The following PICK1 variants were observed in gnomAD, a reference collection of about 807,000 sequenced individuals.
The protein encoded by PICK1 is protein interacting with PRKCA 1.
In PICK1, 23 loss-of-function variants were observed where a neutral mutation model predicts 48.9. The observed-to-expected ratio is 0.47, with a 90% CI of 0.34 to 0.67. PICK1 has a LOEUF of 0.67. PICK1 is among the 30% of genes least tolerant of loss of function. The probability of loss-of-function intolerance (pLI) is 0.01; values close to 1 mark genes in which losing one functional copy is unlikely to be tolerated. For synonymous variants in PICK1, 217 were observed against 228.2 expected (o/e 0.95, Z 0.44); for missense variants, 423 against 557.1 (o/e 0.76, Z 2.42).
intron 2 of PICK1, among the ~76,000 whole-genome samples, chr22:38,058,525 A>G (rs1015114944): frequency 6.6e-6 from 1 of 152,178 alleles, no homozygotes; most frequent in East Asian, 1.9e-4. Context: ...TGACAAGGAC[A>G]GAACCTGGCT....
In PICK1 at chr22:38,074,849, G is replaced by A. The variant is rs112127614; in HGVS notation, c.980-15G>A. ...CAGAGCCCACTGCAGCCTGTCCCCC[G>A]ACCTCCCACCCCAGTCCAGGACATC... On this transcript the variant is annotated splice_polypyrimidine_tract_variant and intron_variant, in intron 12 of 12. Coordinates refer to ENST00000356976, the MANE Select transcript of PICK1 (RefSeq NM_012407.4). This position sits in a 1 kb window ranked among gnomAD's most constrained non-coding sequence, Gnocchi z 4.5. 5.3e-4 allele frequency: 845 copies of A among 1,609,152 alleles called. 4 individuals are homozygous for A. The highest frequency in any genetic ancestry group is 1.6e-4 in the Middle Eastern group (1 of 6,078).
intron 4 of PICK1, 150 bp downstream of exon 4, chr22:38,065,280 C>T: frequency 1.4e-6 from 1 of 736,194 alleles, no homozygotes; most frequent in Non-Finnish European, 2.4e-6. Context: ...CACACTCCAG[C>T]CTCCCTCATC....
chr22:38,072,436 G>A (rs765246165), intron 8 of PICK1, 41 bp from the exon 9 acceptor site: 192 of 1,603,738 alleles, frequency 1.2e-4, no homozygotes, highest in Non-Finnish European at 1.6e-4. Context: ...TCTCTTAGGG[G>A]GCCAAGTAGG....
chr22:38,069,375 G>T (rs922942948), intron 6 of PICK1, among the ~76,000 whole-genome samples: 2 of 152,122 alleles, frequency 1.3e-5, no homozygotes, highest in African/African-American at 4.8e-5. Flanking sequence ...ACTTAGTGTG[G>T]GGAGGTGCCT....
Position 38,074,979 on chromosome 22 carries a change from G to A in PICK1, c.1095G>A (p.Ala365=), listed in dbSNP as rs746548274. 6 of 1,613,596 alleles carry A rather than the reference G, an allele frequency of 3.7e-6. No homozygotes were observed. The highest frequency in any genetic ancestry group is 2.7e-5 in the African/African-American group (2 of 74,936). Residue 365 remains alanine (A), a synonymous_variant, in exon 13 of 13, where the codon GCG becomes GCA. Transcript: ENST00000356976. This position sits in a 1 kb window ranked among gnomAD's most constrained non-coding sequence, Gnocchi z 4.5. The part of the protein sequence containing the change: ...ADVFPIEVDL[A]HTTLAYGLNQ... ...TCTTCCCCATCGAGGTAGACCTGGCGCACACCACATTGGCCTATGGCCTCA... is the reference window on the plus strand; with the variant it reads ...TCTTCCCCATCGAGGTAGACCTGGCACACACCACATTGGCCTATGGCCTCA...
Position 38,075,243 on chromosome 22 carries a change from C to A in PICK1, c.*111C>A. 9.4e-7 allele frequency: 1 copy of A among 1,066,810 alleles called. No homozygotes were observed. Among genetic ancestry groups the A allele is most frequent in the Non-Finnish European group, 1.3e-6 (1 of 758,256 alleles). 66.1% of individuals were successfully genotyped at this position (1,066,810 alleles called of 1,614,324 possible). ...CGCATAAAGGCCTGCTGGCTTGGGG[C>A]GCCTGCCTCCCTGCTCCTCTGTCCT... On this transcript the variant is annotated 3_prime_UTR_variant, in exon 13 of 13. Transcript: ENST00000356976.
At position 38,074,965 on chromosome 22, in the gene PICK1, G is replaced by C. The variant is rs1447089053; in HGVS notation, c.1081G>C (p.Glu361Gln). The C allele has an allele frequency of 1.9e-6, 3 of 1,613,744 alleles. No homozygotes were observed. In the South Asian group the frequency reaches 3.3e-5, roughly 18 times the overall value. Reference protein sequence around the residue: ...VLRDADVFPIEVDLAHTTLAY... With the variant: ...VLRDADVFPIQVDLAHTTLAY... ...GCGGGATGCCGACGTCTTCCCCATCGAGGTAGACCTGGCGCACACCACATT... is the reference window on the plus strand; with the variant it reads ...GCGGGATGCCGACGTCTTCCCCATCCAGGTAGACCTGGCGCACACCACATT... Residue 361 changes from glutamate (E) to glutamine (Q), a missense_variant, in exon 13 of 13, where the codon GAG becomes CAG. Physicochemically the swap from Glu to Gln is conservative, Grantham distance 29. Around this residue, in one of 2 missense-constraint regions of PICK1, gnomAD observed 144 missense variants for 139.3 expected, o/e 1.03. Coordinates refer to ENST00000356976, the MANE Select transcript of PICK1 (RefSeq NM_012407.4). The surrounding 1 kb of genome is among the most constrained non-coding windows in gnomAD (Gnocchi z 4.5).
At position 38,074,310 on chromosome 22, in the gene PICK1, CT is replaced by C; in HGVS notation, c.839del (p.Leu280GlnfsTer8). On this transcript the variant is annotated frameshift_variant, in exon 12 of 13. Coordinates refer to ENST00000356976, the MANE Select transcript of PICK1 (RefSeq NM_012407.4). LOFTEE classifies it high-confidence loss of function. This position sits in a 1 kb window ranked among gnomAD's most constrained non-coding sequence, Gnocchi z 4.5. ...TCCTGTCCCACCCCCGCCCCAGGCC[CT>C]AGGCGAGCCCCTTTACCGGGTGAGC... ...MDDEEYSCIA[L>X]GEPLYRVSTG... 6.2e-7 allele frequency: 1 copy of C among 1,612,776 alleles called. No homozygotes were observed. The highest frequency in any genetic ancestry group is 2.2e-5 in the East Asian group (1 of 44,870).
chr22:38,063,618 CTTTCT>C (rs2085457991), intron 3 of PICK1, among the ~76,000 whole-genome samples: 3 of 149,402 alleles, frequency 2.0e-5, no homozygotes, highest in South Asian at 2.1e-4. Flanking sequence ...TGTGGGTTGC[CTTTCT>C]TTTCTTCTCT....
In PICK1 at chr22:38,073,513, G is replaced by A. The variant is rs1268527421; in HGVS notation, c.784-260G>A. On this transcript the variant is annotated intron_variant, in intron 10 of 12. Coordinates refer to ENST00000356976, the MANE Select transcript of PICK1 (RefSeq NM_012407.4). The surrounding 1 kb of genome is among the most constrained non-coding windows in gnomAD (Gnocchi z 5.7). ...AGAGCCTTTGCTAGGCTGATGTGCAGTGTGAATTTTCAAGGGTCTTCCTAA... is the reference window on the plus strand; with the variant it reads ...AGAGCCTTTGCTAGGCTGATGTGCAATGTGAATTTTCAAGGGTCTTCCTAA... Among the ~76,000 whole-genome samples the A allele has an allele frequency of 6.6e-6, 1 of 152,220 alleles. No homozygotes were observed.
chr22:38,070,271 C>T (rs903498631), intron 6 of PICK1, among the ~76,000 whole-genome samples: 8 of 152,236 alleles, frequency 5.3e-5, no homozygotes, highest in African/African-American at 1.2e-4. Flanking sequence ...GTCCATCGCC[C>T]GGCCACTGGG....
chr22:38,057,986 T>G, intron 2 of PICK1, 136 bp downstream of exon 2: 1 of 757,764 alleles, frequency 1.3e-6, no homozygotes, highest in Non-Finnish European at 2.4e-6. Flanking sequence ...TGGACCCTGC[T>G]CTCCCAGGAG....
At position 38,074,994 on chromosome 22, in the gene PICK1, C is replaced by T; in HGVS notation, c.1110C>T (p.Ala370=). ...TAGACCTGGCGCACACCACATTGGC[C>T]TATGGCCTCAACCAGGAGGAGTTCA... ...IEVDLAHTTL[A]YGLNQEEFTD... The change falls in exon 13 of 13, where the codon GCC becomes GCT. Residue 370 remains alanine, a synonymous_variant. Transcript: ENST00000356976. This position sits in a 1 kb window ranked among gnomAD's most constrained non-coding sequence, Gnocchi z 4.5. 1 of 1,613,702 alleles carries T rather than the reference C, an allele frequency of 6.2e-7. No homozygotes were observed. Among genetic ancestry groups the T allele is most frequent in the Non-Finnish European group, 8.5e-7 (1 of 1,180,032 alleles).
In PICK1 at chr22:38,073,009, G is replaced by A. The variant is rs550929865; in HGVS notation, c.700G>A (p.Asp234Asn). The change falls in exon 10 of 13, where the codon GAT (aspartate) becomes AAT (asparagine). Residue 234 changes from aspartate to asparagine, a missense_variant. Transcript: ENST00000356976. This position sits in a 1 kb window ranked among gnomAD's most constrained non-coding sequence, Gnocchi z 5.7. ...ACCCACCCTCTTCCAGATGCTGACG[G>A]ATCTGAACACGTACCTCAACAAAGC... ...LLKTIKPMLTDLNTYLNKAIP... is the reference protein window; with the variant it reads ...LLKTIKPMLTNLNTYLNKAIP... The A allele has an allele frequency of 6.2e-7, 1 of 1,612,186 alleles. No homozygotes were observed. Among genetic ancestry groups the A allele is most frequent in the Admixed American group, 1.7e-5 (1 of 60,024 alleles).
chr22:38,067,327 T>TTTTTTA, intron 4 of PICK1: 2 of 193,394 alleles, frequency 1.0e-5, no homozygotes, highest in South Asian at 1.8e-4. Context: ...TTTTTTTTTT[T>TTTTTTA]GAGACAGAAT....
Position 38,074,006 on chromosome 22 carries a change from A to G in PICK1, c.834+183A>G. On this transcript the variant is annotated intron_variant, in intron 11 of 12. Coordinates refer to ENST00000356976, the MANE Select transcript of PICK1 (RefSeq NM_012407.4). This position sits in a 1 kb window ranked among gnomAD's most constrained non-coding sequence, Gnocchi z 4.5. ...TCGGGGTGCTGGGCACCCGGCCGGG[A>G]ACCACTCCCTCAGTCTGGGGGACTC... The G allele has an allele frequency of 1.5e-6, 1 of 669,978 alleles. No individual in the cohort carries two copies. The highest frequency in any genetic ancestry group is 2.6e-6 in the Non-Finnish European group (1 of 383,560). The allele number at this position is 669,978 out of a possible 1,614,324, so 41.5% of individuals were successfully genotyped here. A position where few individuals can be genotyped will look rare whatever the true frequency, so the allele number is the denominator to read the frequency against.
At position 38,065,125 on chromosome 22, in the gene PICK1, G is replaced by A. The variant is rs768613937; in HGVS notation, c.277G>A (p.Val93Met). ...GGAGGTGGCGAAGATGATTCAGGAG[G>A]TGAAGGTAAGGGCTGCTGCAGAGCA... Reference protein sequence around the residue: ...KVEVAKMIQEVKGEVTIHYNK... With the variant: ...KVEVAKMIQEMKGEVTIHYNK... Residue 93 changes from valine to methionine, a missense_variant, in exon 4 of 13, where the codon GTG (valine) becomes ATG (methionine). Physicochemically the swap from Val to Met is conservative, Grantham distance 21. Coordinates refer to ENST00000356976, the MANE Select transcript of PICK1 (RefSeq NM_012407.4). 35 of 1,613,798 alleles carry A rather than the reference G, an allele frequency of 2.2e-5. No homozygotes were observed. The East Asian group carries it at 7.6e-4, about 35-fold the overall frequency.
rs751472759 is a variant in PICK1, at chr22:38,065,032, G to A, written c.184G>A (p.Gly62Ser). The A allele has an allele frequency of 1.2e-5, 19 of 1,613,942 alleles. No individual in the cohort carries two copies. The highest frequency in any genetic ancestry group is 6.7e-5 in the African/African-American group (5 of 74,888). Reference sequence around the variant, plus strand: ...TGACAACACCCCAGCAGCCTTGGACGGCACAGTGGCAGCTGGCGATGAGAT... The same window carrying A: ...TGACAACACCCCAGCAGCCTTGGACAGCACAGTGGCAGCTGGCGATGAGAT... Reference protein sequence around the residue: ...VFDNTPAALDGTVAAGDEITG... With the variant: ...VFDNTPAALDSTVAAGDEITG... The change falls in exon 4 of 13, where the codon GGC (glycine) becomes AGC (serine). Residue 62 changes from glycine to serine, a missense_variant. Gly to Ser is a moderately conservative substitution (Grantham distance 56, BLOSUM62 0). Coordinates refer to ENST00000356976, the MANE Select transcript of PICK1 (RefSeq NM_012407.4).
At chr22:38,071,821 A>T in intron 8 of PICK1, 77 bp downstream of exon 8, 1 of 1,293,252 alleles carries the variant, frequency 7.7e-7, no homozygotes, top group Non-Finnish European at 1.1e-6. Context: ...GAGGTGGGTC[A>T]GACCCACAGC....
Sources: allele counts gnomAD v4.1 joint callset (sites outside exome capture counted in the v4.1 genomes callset), GRCh38; gene constraint gnomAD v4.1.1; regional missense constraint gnomAD v4.1.1; non-coding constraint Gnocchi (gnomAD v3.1); transcripts MANE v1.5; gene names NCBI Gene and HGNC (gene_info 2026-07-23, HGNC 2026-07-21).